The following TMC4 variants were observed in gnomAD, a reference collection of about 807,000 sequenced individuals.
TMC4 encodes the protein transmembrane channel like 4.
Under a neutral mutation model 82.0 loss-of-function variants are expected in TMC4, and 70 were observed. The ratio of observed to expected loss-of-function variants is 0.85; its 90% CI spans 0.70 to 1.04. The LOEUF is 1.04. Ranked by LOEUF, TMC4 falls within the 50% of genes least tolerant of loss-of-function variation. The pLI, the probability that TMC4 is intolerant of heterozygous loss-of-function variation, is 0.00. For missense variants in TMC4, 879 were observed against 899.0 expected (o/e 0.98, Z 0.28); for synonymous variants, 446 against 406.0 (o/e 1.10, Z -1.18).
chr19:54,162,376 TG>T, intron 10 of TMC4, 91 bp from the exon 11 acceptor site: 1 of 485,750 alleles, frequency 2.1e-6, no homozygotes, highest in South Asian at 2.5e-5. Flanking sequence ...ATAGGAAGCA[TG>T]CGTATTGGTG....
Position 54,163,732 on chromosome 19 carries a change from G to T in TMC4, c.1269C>A (p.Ile423=). The change falls in exon 8 of 15, where the codon ATC becomes ATA. Residue 423 remains isoleucine (I), a synonymous_variant. Transcript: ENST00000619895. ...CCCCGTGAGGCTGGAACCTGAGCAGGATAAAAACGATCTGGCGACTCCGAG... is the reference window on the plus strand; with the variant it reads ...CCCCGTGAGGCTGGAACCTGAGCAGTATAAAAACGATCTGGCGACTCCGAG... ...GYTRSRQIVF[I]LLRTVFLRLA... 1 of 1,614,020 alleles carries T rather than the reference G, an allele frequency of 6.2e-7. No homozygotes were observed. Among genetic ancestry groups the T allele is most frequent in the Middle Eastern group, 1.6e-4 (1 of 6,062 alleles).
At chr19:54,166,870 T>C (rs895776024) in intron 5 of TMC4, among the ~76,000 whole-genome samples, 4 of 152,116 alleles carry the variant, frequency 2.6e-5, no homozygotes, top group Non-Finnish European at 5.9e-5. Context: ...GGAAAATTGC[T>C]TGAACCCGGG....
chr19:54,168,867 CTTTTCTTTTCTTTTCTTTT>C lies in TMC4; in HGVS notation c.443-206_443-188del, dbSNP rs2075791225. On this transcript the variant is annotated intron_variant, in intron 3 of 14. Coordinates refer to ENST00000619895, the MANE Select transcript of TMC4 (RefSeq NM_144686.4). ...CTTTTCTTTTCTTTTCTTTTCTTTT[CTTTTCTTTTCTTTTCTTTT>C]CTTTCTTTCCTTTCTTTCTTCTTTC... Among the ~76,000 whole-genome samples the C allele has an allele frequency of 6.5e-5, 2 of 30,538 alleles. 1 individual carries two copies. Among genetic ancestry groups the C allele is most frequent in the Non-Finnish European group, 1.2e-4 (2 of 17,018 alleles). The allele number at this position is 30,538 out of a possible 152,430, so 20.0% of individuals were successfully genotyped here.
intron 3 of TMC4, among the ~76,000 whole-genome samples, chr19:54,168,994 C>CTCTCTA (rs1270230824): frequency 2.7e-4 from 2 of 7,512 alleles, no homozygotes; most frequent in Admixed American, 2.2e-3. Flanking sequence ...CTCTCTCTCT[C>CTCTCTA]TATATATATA....
Position 54,169,634 on chromosome 19 carries a change from A to G in TMC4, c.320T>C (p.Val107Ala). 2 of 1,613,792 alleles carry G rather than the reference A, an allele frequency of 1.2e-6. No individual in the cohort carries two copies. Among genetic ancestry groups the G allele is most frequent in the Non-Finnish European group, 8.5e-7 (1 of 1,179,942 alleles). The change falls in exon 3 of 15, where the codon GTG becomes GCG. Residue 107 changes from valine to alanine, a missense_variant. By Grantham distance (64) the Val-to-Ala change is moderately conservative. Coordinates refer to ENST00000619895, the MANE Select transcript of TMC4 (RefSeq NM_144686.4). ...HRQRNASRDQ[V>A]VYGSGTKTDR... is the part of the protein sequence containing the mutation. Reference sequence around the variant, plus strand: ...CGTCTTAGTTCCAGAGCCATAGACCACCTGGTCCCTGCTGGCATTTCTTTG... The same window carrying G: ...CGTCTTAGTTCCAGAGCCATAGACCGCCTGGTCCCTGCTGGCATTTCTTTG...
In TMC4 at chr19:54,164,033, G is replaced by A. The variant is rs1178653535; in HGVS notation, c.1114-146C>T. 5.4e-6 allele frequency: 5 copies of A among 918,482 alleles called. No homozygotes were observed. In the East Asian group the frequency reaches 1.4e-4, roughly 25 times the overall value. The allele number at this position is 918,482 out of a possible 1,614,324, so 56.9% of individuals were successfully genotyped here. On this transcript the variant is annotated intron_variant, in intron 7 of 14. Transcript: ENST00000619895. ...TCTGTTACCCAGCCTAGAATGCAGC[G>A]GTGCGATCTCGGCTCGCTGCAACCT...
At position 54,168,771 on chromosome 19, in the gene TMC4, CTTTCTTTCTTTCTTTTCT is replaced by C. The variant is rs1379502961; in HGVS notation, c.443-109_443-92del. 9.6e-5 allele frequency: 40 copies of C among 415,444 alleles called. 4 individuals carry two copies. The highest frequency in any genetic ancestry group is 8.9e-4 in the East Asian group (22 of 24,608). 25.7% of individuals were successfully genotyped at this position (415,444 alleles called of 1,614,324 possible). A position where few individuals can be genotyped will look rare whatever the true frequency, so the allele number is the denominator to read the frequency against. On this transcript the variant is annotated intron_variant, in intron 3 of 14. Transcript: ENST00000619895. ...TGGACTGGGGTCCAGCCGCGCCTTC[CTTTCTTTCTTTCTTTTCT>C]TTTCTTTCTTTTCTTTTCTTTTCTT...
chr19:54,171,180 C>A (rs903372796), intron 2 of TMC4, among the ~76,000 whole-genome samples: 1 of 89,760 alleles, frequency 1.1e-5, no homozygotes, highest in Non-Finnish European at 2.4e-5. Context: ...ACGATCTTGG[C>A]TCACTGCAAC....
In TMC4 at chr19:54,160,522, G is replaced by A. The variant is rs890700360; in HGVS notation, c.1997C>T (p.Ala666Val). The A allele has an allele frequency of 5.0e-6, 8 of 1,614,170 alleles. No homozygotes were observed. In the African/African-American group the frequency reaches 1.1e-4, roughly 22 times the overall value. Residue 666 changes from alanine to valine, a missense_variant, in exon 14 of 15, where the codon GCT (alanine) becomes GTT (valine). Coordinates refer to ENST00000619895, the MANE Select transcript of TMC4 (RefSeq NM_144686.4). ...ISSILMAYTV[A>V]LANSYGRLIS... is the part of the protein sequence containing the mutation. ...GAGGCGTCCGTAGGAGTTAGCCAGA[G>A]CCACAGTGTACGCCATCAGGATGCT... is the stretch of plus-strand genomic sequence containing the variant.
intron 5 of TMC4, 23 bp downstream of exon 5, chr19:54,168,148 T>A: frequency 6.3e-7 from 1 of 1,591,708 alleles, no homozygotes; most frequent in South Asian, 1.1e-5. Flanking sequence ...CCGTCAGGGG[T>A]CAGGGGTGCA....
Position 54,168,936 on chromosome 19 carries a change from CT to C in TMC4, c.443-257del, listed in dbSNP as rs2146912025. 4.4e-5 allele frequency among the ~76,000 whole-genome samples: 2 copies of C among 45,684 alleles called. 1 individual carries two copies. Among genetic ancestry groups the C allele is most frequent in the South Asian group, 1.2e-3 (2 of 1,654 alleles). The allele number at this position is 45,684 out of a possible 152,430, so 30.0% of individuals were successfully genotyped here. ...CTTTCCTTCCTTCCTTCCTTCCTTC[CT>C]TCCTTCCTTCCTTCCTTCCTTCCTT... On this transcript the variant is annotated intron_variant, in intron 3 of 14. Coordinates refer to ENST00000619895, the MANE Select transcript of TMC4 (RefSeq NM_144686.4).
At chr19:54,161,684 G>A (rs867903633) in intron 11 of TMC4, among the ~76,000 whole-genome samples, 1 of 152,020 alleles carries the variant, frequency 6.6e-6, no homozygotes, top group Non-Finnish European at 1.5e-5. Context: ...GATTACAGGC[G>A]CCTGCCACTA....
chr19:54,169,627 A>G lies in TMC4; in HGVS notation c.327T>C (p.Tyr109=), dbSNP rs766493293. 2.5e-5 allele frequency: 40 copies of G among 1,613,920 alleles called. No homozygotes were observed. Among genetic ancestry groups the G allele is most frequent in the Non-Finnish European group, 3.1e-5 (37 of 1,180,032 alleles). ...ATCGGTCCGTCTTAGTTCCAGAGCC[A>G]TAGACCACCTGGTCCCTGCTGGCAT... The part of the protein sequence containing the change: ...QRNASRDQVV[Y]GSGTKTDRWA... The change falls in exon 3 of 15, where the codon TAT becomes TAC. Residue 109 remains tyrosine, a synonymous_variant. Transcript: ENST00000619895.
At chr19:54,166,988 T>C (rs949792531) in intron 5 of TMC4, among the ~76,000 whole-genome samples, 2 of 151,622 alleles carry the variant, frequency 1.3e-5, no homozygotes, top group Non-Finnish European at 2.9e-5. Context: ...GCCAGGCACA[T>C]TGGCTCATGC....
In TMC4 at chr19:54,169,010, A is replaced by ATTTT. The variant is rs555232816; in HGVS notation, c.443-334_443-331dup. Among the ~76,000 whole-genome samples the ATTTT allele has an allele frequency of 5.7e-4, 4 of 6,986 alleles. 1 individual carries two copies. The highest frequency in any genetic ancestry group is 8.1e-4 in the Non-Finnish European group (4 of 4,934). The allele number at this position is 6,986 out of a possible 152,430, so 4.6% of individuals were successfully genotyped here. A position where few individuals can be genotyped will look rare whatever the true frequency, so the allele number is the denominator to read the frequency against. On this transcript the variant is annotated intron_variant, in intron 3 of 14. Transcript: ENST00000619895. ...TCTCTCTCTCTATATATATATATAT[A>ATTTT]TTTTTTTTTTTTTCTTTTCTTTTCT...
Position 54,163,736 on chromosome 19 carries a change from A to G in TMC4, c.1265T>C (p.Phe422Ser). The G allele has an allele frequency of 6.2e-7, 1 of 1,614,084 alleles. No individual in the cohort carries two copies. The highest frequency in any genetic ancestry group is 8.5e-7 in the Non-Finnish European group (1 of 1,180,016). Residue 422 changes from phenylalanine (F) to serine (S), a missense_variant, in exon 8 of 15, where the codon TTT (phenylalanine) becomes TCT (serine). By Grantham distance (155) the Phe-to-Ser change is radical (BLOSUM62 -2). Transcript: ENST00000619895. ...EGYTRSRQIV[F>S]ILLRTVFLRL... ...GTGAGGCTGGAACCTGAGCAGGATA[A>G]AAACGATCTGGCGACTCCGAGTGTA...
At chr19:54,170,620 T>G (rs1040486964) in intron 2 of TMC4, among the ~76,000 whole-genome samples, 3 of 152,036 alleles carry the variant, frequency 2.0e-5, no homozygotes, top group Non-Finnish European at 4.4e-5. Context: ...TGTTTTATTT[T>G]ATTTTATTTT....
At chr19:54,163,308 C>CTTTTTTTTTTTTTTT in intron 8 of TMC4, 149 bp from the exon 9 acceptor site, 2 of 592,162 alleles carry the variant, frequency 3.4e-6, no homozygotes, top group Admixed American at 4.0e-5. Flanking sequence ...TTCTTTCTTT[C>CTTTTTTTTTTTTTTT]TTTTTTTTTT....
Position 54,163,789 on chromosome 19 carries a change from C to T in TMC4, c.1212G>A (p.Val404=), listed in dbSNP as rs1345931912. Residue 404 remains valine (V), a synonymous_variant, in exon 8 of 15, where the codon GTG becomes GTA. Coordinates refer to ENST00000619895, the MANE Select transcript of TMC4 (RefSeq NM_144686.4). ...CCTCCAGTGGAGCAATGAGCTTGAA[C>T]ACGGGCGGCAGCACAAAATTGACCC... ...IAGVNFVLPP[V]FKLIAPLEGY... 1.9e-6 allele frequency: 3 copies of T among 1,613,852 alleles called. No individual in the cohort carries two copies. The highest frequency in any genetic ancestry group is 1.3e-5 in the African/African-American group (1 of 74,828).
Sources: gnomAD v4.1 joint callset for allele counts (sites outside exome capture counted in the v4.1 genomes callset) on GRCh38, gnomAD v4.1.1 for gene constraint, MANE v1.5 for transcripts, NCBI Gene and HGNC (gene_info 2026-07-23, HGNC 2026-07-21) for gene names.